The following FBXO34 variants were observed in gnomAD, a reference collection of about 807,000 sequenced individuals.
FBXO34 encodes the protein F-box only protein 34.
FBXO34 carries 12 observed loss-of-function variants against 24.5 expected under a neutral mutation model. That is an observed-to-expected ratio of 0.49 (90% CI 0.31 to 0.79). FBXO34 has a LOEUF of 0.79. Among genes scored for constraint, FBXO34 ranks in the 30% least tolerant of loss-of-function variants. FBXO34 has a pLI of 0.04. For synonymous variants in FBXO34, 320 were observed against 311.9 expected (o/e 1.03, Z -0.27); for missense variants, 823 against 857.7 (o/e 0.96, Z 0.51).
At chr14:55,370,542 C>T (rs546057506), downstream of FBXO34, among the ~76,000 whole-genome samples, 8 of 152,032 alleles carry the variant, frequency 5.3e-5, no homozygotes, top group Non-Finnish European at 1.0e-4. Context: ...CTAATAACAC[C>T]CTCACTGCCA....
chr14:55,293,135 G>A (rs1281490948), intron 1 of FBXO34, among the ~76,000 whole-genome samples: 1 of 151,474 alleles, frequency 6.6e-6, no homozygotes, highest in Non-Finnish European at 1.5e-5. Flanking sequence ...TACTCGCCTT[G>A]GCCTCCCAAA....
downstream of FBXO34, chr14:55,369,928 G>T: frequency 6.3e-7 from 1 of 1,590,548 alleles, no homozygotes; most frequent in Non-Finnish European, 8.6e-7. Flanking sequence ...GCCCTGACCT[G>T]TGTGCAGACA....
chr14:55,411,505 C>G, the FBXO34 span: 1 of 1,214,778 alleles, frequency 8.2e-7, no homozygotes. Context: ...TCGCTGGTAT[C>G]TGGTGCCCGG....
intron 1 of FBXO34, among the ~76,000 whole-genome samples, chr14:55,306,060 T>A (rs1460846179): frequency 6.6e-6 from 1 of 152,270 alleles, no homozygotes; most frequent in African/African-American, 2.4e-5. Context: ...TATGTGTGCA[T>A]GTATATAATA....
At chr14:55,340,374 A>T (rs1379942170) in intron 1 of FBXO34, among the ~76,000 whole-genome samples, 1 of 150,060 alleles carries the variant, frequency 6.7e-6, no homozygotes, top group Non-Finnish European at 1.5e-5. Context: ...CCCAAATAGG[A>T]CTACAAATAC....
At chr14:55,409,041 C>A in the FBXO34 span, among the ~76,000 whole-genome samples, 1 of 152,108 alleles carries the variant, frequency 6.6e-6, no homozygotes, top group Non-Finnish European at 1.5e-5. Flanking sequence ...AGACCAGAGG[C>A]AAGGTAAGGA....
the FBXO34 span, among the ~76,000 whole-genome samples, chr14:55,410,655 C>CT: frequency 6.6e-6 from 1 of 152,198 alleles, no homozygotes; most frequent in Non-Finnish European, 1.5e-5. Context: ...TAGGTCCAAG[C>CT]TGTCTGAATT....
intron 1 of FBXO34, among the ~76,000 whole-genome samples, chr14:55,319,832 C>T (rs1416832850): frequency 6.6e-6 from 1 of 152,078 alleles, no homozygotes; most frequent in Non-Finnish European, 1.5e-5. Flanking sequence ...CCCGCCACCA[C>T]GCCCAGCTAA....
At chr14:55,320,044 A>C (rs528311624) in intron 1 of FBXO34, among the ~76,000 whole-genome samples, 1 of 152,064 alleles carries the variant, frequency 6.6e-6, no homozygotes, top group African/African-American at 2.4e-5. Context: ...GGCATATTTA[A>C]CAAATCACCT....
the FBXO34 span, among the ~76,000 whole-genome samples, chr14:55,400,290 C>G: frequency 2.0e-5 from 3 of 152,064 alleles, no homozygotes; most frequent in Non-Finnish European, 4.4e-5. Flanking sequence ...ATATTCAAAC[C>G]AAATTTAATG....
chr14:55,402,936 T>A, the FBXO34 span, among the ~76,000 whole-genome samples: 24 of 28,538 alleles, frequency 8.4e-4, no homozygotes, highest in African/African-American at 1.7e-3. Context: ...AATATATATA[T>A]ATATATATAT....
the FBXO34 span, chr14:55,378,156 G>T: frequency 1.7e-6 from 2 of 1,160,984 alleles, no homozygotes; most frequent in Non-Finnish European, 2.5e-6. Flanking sequence ...GTACAATTAG[G>T]TATAACACAT....
At chr14:55,335,278 G>C (rs151209413) in intron 1 of FBXO34, 1 of 152,334 alleles carries the variant, frequency 6.6e-6, no homozygotes, top group East Asian at 1.9e-4. Flanking sequence ...GCTTGATCCT[G>C]GGGGTAGGGG....
chr14:55,338,137 C>T (rs1034394912), intron 1 of FBXO34, among the ~76,000 whole-genome samples: 1 of 145,966 alleles, frequency 6.9e-6, no homozygotes, highest in Non-Finnish European at 1.5e-5. Flanking sequence ...GCAACCTCTG[C>T]CTCCCGGATT....
At chr14:55,404,449 G>A in the FBXO34 span, among the ~76,000 whole-genome samples, 20 of 152,232 alleles carry the variant, frequency 1.3e-4, no homozygotes, top group African/African-American at 4.1e-4. Flanking sequence ...CCATCATCAC[G>A]TCAATTCAGT....
At chr14:55,438,921 AAAAG>A in the FBXO34 span, 2 of 149,544 alleles carry the variant, frequency 1.3e-5, no homozygotes, top group African/African-American at 4.9e-5. Context: ...AAAAAAAAAA[AAAAG>A]TAAGTTGCTC....
the FBXO34 span, among the ~76,000 whole-genome samples, chr14:55,390,185 C>G: frequency 0.058 from 8,845 of 152,218 alleles, 325 homozygotes; most frequent in South Asian, 0.089. Context: ...AGTCTCCTGC[C>G]TCAGCCTCCT....
At chr14:55,312,485 CTG>C (rs1460308634) in intron 1 of FBXO34, among the ~76,000 whole-genome samples, 2 of 152,170 alleles carry the variant, frequency 1.3e-5, no homozygotes, top group Non-Finnish European at 2.9e-5. Context: ...AGTGGAGACT[CTG>C]TGTGGGGGCT....
At chr14:55,293,518 T>C (rs889653183) in intron 1 of FBXO34, among the ~76,000 whole-genome samples, 9 of 152,092 alleles carry the variant, frequency 5.9e-5, no homozygotes, top group Admixed American at 2.0e-4. Context: ...CTGATATCTA[T>C]AATCTGAAGA....
Sources: allele counts gnomAD v4.1 joint callset (sites outside exome capture counted in the v4.1 genomes callset), GRCh38; gene constraint gnomAD v4.1.1; transcripts MANE v1.5; gene names NCBI Gene and HGNC (gene_info 2026-07-23, HGNC 2026-07-21).